ADRA1B: variants seen among roughly 807,000 people sequenced by gnomAD.
ADRA1B encodes adrenoceptor alpha 1B, also known as alpha-1B adrenergic receptor.
In ADRA1B, 17 loss-of-function variants were observed where a neutral mutation model predicts 17.9. That is an observed-to-expected ratio of 0.95 (90% CI 0.65 to 1.42). ADRA1B has a LOEUF of 1.42. ADRA1B is among the 40% of genes most tolerant of loss of function. The probability of loss-of-function intolerance (pLI) is 0.00; values close to 1 mark genes in which losing one functional copy is unlikely to be tolerated. For missense variants in ADRA1B, 681 were observed against 722.1 expected (o/e 0.94, Z 0.65); for synonymous variants, 366 against 327.6 (o/e 1.12, Z -1.27).
At position 159,879,115 on chromosome 5, in the gene ADRA1B, C is replaced by T. The variant is rs146235443; in HGVS notation, c.-256+13909C>T. ...GACAGAGGCAGAGCTGTGGGACCAA[C>T]GGATTAGACTGTATCATTTTGAATC... On this transcript the variant is annotated intron_variant, in intron 1 of 2. Transcript: ENST00000641205. 3.4e-3 allele frequency among the ~76,000 whole-genome samples: 511 copies of T among 152,238 alleles called. 9 individuals are homozygous for T. Among genetic ancestry groups the T allele is most frequent in the Non-Finnish European group, 7.9e-4 (54 of 68,036 alleles).
chr5:159,985,952 C>G, the ADRA1B span, among the ~76,000 whole-genome samples: 1 of 152,186 alleles, frequency 6.6e-6, no homozygotes, highest in Admixed American at 6.5e-5. Flanking sequence ...CTCACAGAAG[C>G]ACCAGAAGCA....
intron 1 of ADRA1B, among the ~76,000 whole-genome samples, chr5:159,928,789 G>A (rs564203505): frequency 5.9e-5 from 9 of 152,190 alleles, no homozygotes; most frequent in Non-Finnish European, 7.3e-5. Context: ...ATTCGCAGGC[G>A]TCAGCCCCAG....
chr5:159,870,976 T>A (rs1047835213), intron 1 of ADRA1B: 2 of 152,158 alleles, frequency 1.3e-5, no homozygotes, highest in Admixed American at 6.5e-5. Flanking sequence ...ATCTTCCACA[T>A]TGGACTCACA....
At chr5:159,939,322 T>TGTGTGTGTGTGCGCGC (rs1554090928) in intron 1 of ADRA1B, among the ~76,000 whole-genome samples, 1 of 107,604 alleles carries the variant, frequency 9.3e-6, no homozygotes, top group African/African-American at 3.5e-5. Context: ...TGTGTGTGTG[T>TGTGTGTGTGTGCGCGC]GCGCGCGCGC....
intron 1 of ADRA1B, among the ~76,000 whole-genome samples, chr5:159,892,361 C>G (rs768441364): frequency 6.6e-6 from 1 of 152,158 alleles, no homozygotes; most frequent in Non-Finnish European, 1.5e-5. Flanking sequence ...GGTACATGTG[C>G]AAGATGTGCA....
Position 159,916,873 on chromosome 5 carries a change from T to A in ADRA1B, c.-33T>A. On this transcript the variant is annotated 5_prime_UTR_variant, in exon 1 of 2. Coordinates refer to ENST00000306675, the MANE Select transcript of ADRA1B (RefSeq NM_000679.4). ...TTCGCCGCAGCCCTTCCGAGCCCAA[T>A]CATCCCCCTGGCTATGGAGGGCGGA... The A allele has an allele frequency of 6.4e-7, 1 of 1,568,062 alleles. No homozygotes were observed. Among genetic ancestry groups the A allele is most frequent in the South Asian group, 1.2e-5 (1 of 83,956 alleles).
intron 1 of ADRA1B, among the ~76,000 whole-genome samples, chr5:159,943,559 A>ACC (rs1381160941): frequency 6.6e-6 from 1 of 152,000 alleles, no homozygotes; most frequent in Non-Finnish European, 1.5e-5. Context: ...ACCCTGTGTA[A>ACC]CCCGTCAGCA....
At chr5:159,886,673 T>A (rs545994020) in intron 1 of ADRA1B, among the ~76,000 whole-genome samples, 11 of 152,304 alleles carry the variant, frequency 7.2e-5, no homozygotes, top group African/African-American at 2.6e-4. Context: ...CATATTGATG[T>A]TGGCAATGTC....
chr5:159,891,193 G>T (rs901768646), intron 1 of ADRA1B, among the ~76,000 whole-genome samples: 5 of 152,160 alleles, frequency 3.3e-5, no homozygotes, highest in African/African-American at 1.2e-4. Flanking sequence ...TTAACCCAAC[G>T]ATACTAATTT....
At chr5:159,945,752 GT>G (rs70987985) in intron 1 of ADRA1B, among the ~76,000 whole-genome samples, 49 of 145,332 alleles carry the variant, frequency 3.4e-4, no homozygotes, top group African/African-American at 7.6e-4. Flanking sequence ...TTGTTTGTTT[GT>G]TTTTTTTTTT....
chr5:159,923,738 G>T (rs1055318676), intron 1 of ADRA1B, among the ~76,000 whole-genome samples: 1 of 152,266 alleles, frequency 6.6e-6, no homozygotes, highest in Non-Finnish European at 1.5e-5. Context: ...GGAGGAGGGG[G>T]CTGTTTTTAA....
At chr5:159,961,643 G>A (rs1755666329) in intron 1 of ADRA1B, among the ~76,000 whole-genome samples, 1 of 152,184 alleles carries the variant, frequency 6.6e-6, no homozygotes. Flanking sequence ...CCCCTAATAA[G>A]AGCCACACTG....
chr5:159,883,921 T>A (rs1366426686), intron 1 of ADRA1B, among the ~76,000 whole-genome samples: 1 of 152,202 alleles, frequency 6.6e-6, no homozygotes, highest in Non-Finnish European at 1.5e-5. Flanking sequence ...ATCTACACTA[T>A]GAGGCAATAG....
chr5:159,899,674 C>A (rs1369220338), intron 1 of ADRA1B, among the ~76,000 whole-genome samples: 6 of 152,238 alleles, frequency 3.9e-5, no homozygotes, highest in African/African-American at 1.4e-4. Flanking sequence ...CGGCACCCGG[C>A]AGCCCTACTC....
the ADRA1B span, among the ~76,000 whole-genome samples, chr5:159,983,897 C>A: frequency 3.9e-5 from 6 of 152,030 alleles, no homozygotes; most frequent in African/African-American, 1.4e-4. Context: ...ACTTTCCCTC[C>A]CCGCGTTCTT....
chr5:159,913,065 T>A (rs775385057), upstream of ADRA1B, among the ~76,000 whole-genome samples: 12 of 152,210 alleles, frequency 7.9e-5, no homozygotes, highest in Non-Finnish European at 1.2e-4. Flanking sequence ...CTTAAGCAGA[T>A]CCTTGAATCT....
At chr5:159,884,464 C>A (rs1753901442) in intron 1 of ADRA1B, among the ~76,000 whole-genome samples, 1 of 152,150 alleles carries the variant, frequency 6.6e-6, no homozygotes, top group South Asian at 2.1e-4. Flanking sequence ...TGTGTATGTT[C>A]TCTTGCCCTT....
chr5:159,892,726 G>A (rs935720313), intron 1 of ADRA1B, among the ~76,000 whole-genome samples: 1 of 152,110 alleles, frequency 6.6e-6, no homozygotes, highest in Non-Finnish European at 1.5e-5. Flanking sequence ...TCTTTATTCA[G>A]TCTATCATTG....
chr5:159,870,228 A>T (rs1753719523), intron 1 of ADRA1B: 1 of 152,188 alleles, frequency 6.6e-6, no homozygotes, highest in South Asian at 2.1e-4. Context: ...GTATAGACGC[A>T]TCCCTGTACC....
Sources: gnomAD v4.1 joint callset for allele counts (sites outside exome capture counted in the v4.1 genomes callset) on GRCh38, gnomAD v4.1.1 for gene constraint, MANE v1.5 for transcripts, NCBI Gene and HGNC (gene_info 2026-07-23, HGNC 2026-07-21) for gene names.